KAT7: variants seen among roughly 807,000 people sequenced by gnomAD.
KAT7 encodes the protein histone acetyltransferase KAT7.
KAT7 carries 10 observed loss-of-function variants against 82.1 expected under a neutral mutation model. The ratio of observed to expected loss-of-function variants is 0.12; its 90% confidence interval spans 0.08 to 0.21. The LOEUF is 0.21. Ranked by LOEUF, KAT7 falls within the 10% of genes least tolerant of loss-of-function variation. The pLI is 1.00. For synonymous variants in KAT7, 250 were observed against 262.5 expected (o/e 0.95, Z 0.46); for missense variants, 378 against 760.9 (o/e 0.50, Z 5.92).
At chr17:49,809,247 A>G (rs757244076) in intron 6 of KAT7, 39 bp downstream of exon 6, 67 of 1,506,632 alleles carry the variant, frequency 4.4e-5, no homozygotes, top group Non-Finnish European at 5.8e-5. Flanking sequence ...TCATAGTTTG[A>G]GGTCCGTTTC....
intron 6 of KAT7, among the ~76,000 whole-genome samples, chr17:49,810,381 C>T (rs2074147424): frequency 1.3e-5 from 2 of 152,174 alleles, no homozygotes; most frequent in Non-Finnish European, 2.9e-5. Context: ...CTCAGTCTCC[C>T]AAGTAGCTGG....
chr17:49,821,210 G>A, intron 9 of KAT7, 127 bp from the exon 10 acceptor site: 1 of 639,950 alleles, frequency 1.6e-6, no homozygotes, highest in Non-Finnish European at 2.8e-6. Flanking sequence ...TTTGCTGTAT[G>A]TTCTCAGCTT....
At chr17:49,806,321 G>A (rs1393200687) in intron 5 of KAT7, among the ~76,000 whole-genome samples, 1 of 152,210 alleles carries the variant, frequency 6.6e-6, no homozygotes. Flanking sequence ...CCGCAGGGGT[G>A]AAAGTTTCTT....
chr17:49,820,427 C>T (rs1022326411), intron 9 of KAT7, among the ~76,000 whole-genome samples: 5 of 151,930 alleles, frequency 3.3e-5, no homozygotes, highest in Admixed American at 6.6e-5. Context: ...TACAGGCCCC[C>T]GCTGCCACAC....
intron 4 of KAT7, among the ~76,000 whole-genome samples, chr17:49,802,357 C>A (rs2074034922): frequency 6.6e-6 from 1 of 152,010 alleles, no homozygotes; most frequent in Non-Finnish European, 1.5e-5. Context: ...AAAACATGCC[C>A]TGAATAAATT....
intron 1 of KAT7, among the ~76,000 whole-genome samples, chr17:49,790,587 C>T (rs1049838483): frequency 6.6e-6 from 1 of 152,166 alleles, no homozygotes; most frequent in Non-Finnish European, 1.5e-5. Flanking sequence ...TTCCCAAATA[C>T]CGGGAGTTAC....
intron 5 of KAT7, among the ~76,000 whole-genome samples, chr17:49,808,859 A>T (rs2074126381): frequency 6.6e-6 from 1 of 152,178 alleles, no homozygotes; most frequent in South Asian, 2.1e-4. Flanking sequence ...CCAGGCTCAG[A>T]GTCATCAGAC....
intron 4 of KAT7, among the ~76,000 whole-genome samples, chr17:49,798,933 C>T (rs550038408): frequency 1.4e-4 from 21 of 152,122 alleles, no homozygotes; most frequent in Non-Finnish European, 2.4e-4. Context: ...AGTGGTTGCA[C>T]GGCCATAGCT....
rs2074391293 is a variant in KAT7 at position 49,828,263 on chromosome 17, CGTAAA to C, written c.*765_*769del. On this transcript the variant is annotated 3_prime_UTR_variant, in exon 15 of 15. Coordinates refer to ENST00000259021, the MANE Select transcript of KAT7 (RefSeq NM_007067.5). ...GAACGGATACTACTTTTTGCCTCAC[CGTAAA>C]GTACTCACTAGTAAATATTTCCTTC... 2.6e-5 allele frequency: 4 copies of C among 152,148 alleles called. No homozygotes were observed. Among genetic ancestry groups the C allele is most frequent in the African/African-American group, 9.6e-5 (4 of 41,486 alleles). 9.4% of individuals were successfully genotyped at this position (152,148 alleles called of 1,614,324 possible).
chr17:49,808,915 A>G (rs561128252), intron 5 of KAT7, among the ~76,000 whole-genome samples: 2 of 152,314 alleles, frequency 1.3e-5, no homozygotes, highest in African/African-American at 4.8e-5. Context: ...GATCATTTCA[A>G]CTTCTCTGAT....
chr17:49,799,166 C>T (rs2073992532), intron 4 of KAT7, among the ~76,000 whole-genome samples: 1 of 152,124 alleles, frequency 6.6e-6, no homozygotes, highest in African/African-American at 2.4e-5. Flanking sequence ...GTGGTTTGAA[C>T]CTTATTTGTG....
At chr17:49,822,666 T>C (rs963360257) in intron 11 of KAT7, among the ~76,000 whole-genome samples, 2 of 152,206 alleles carry the variant, frequency 1.3e-5, no homozygotes, top group Non-Finnish European at 2.9e-5. Flanking sequence ...CAACCCAGTT[T>C]GCATTATCCT....
intron 14 of KAT7, 187 bp from the exon 15 acceptor site, chr17:49,827,214 G>A (rs956479755): frequency 8.8e-6 from 5 of 567,536 alleles, no homozygotes; most frequent in Non-Finnish European, 3.1e-6. Flanking sequence ...TTCTCACTGA[G>A]GGTAAAGTAG....
chr17:49,798,846 C>T (rs887300723), intron 4 of KAT7, among the ~76,000 whole-genome samples: 2 of 152,168 alleles, frequency 1.3e-5, no homozygotes, highest in African/African-American at 4.8e-5. Context: ...GCAAAAAAGA[C>T]TATCTGCAGA....
chr17:49,819,824 G>A (rs1332847472), intron 9 of KAT7, among the ~76,000 whole-genome samples: 1 of 152,200 alleles, frequency 6.6e-6, no homozygotes, highest in Non-Finnish European at 1.5e-5. Flanking sequence ...ATGAGTAAAG[G>A]GGTAGAGATA....
rs575051261 is a variant in KAT7, at chr17:49,790,121, C to A, written c.15+1272C>A. Among the ~76,000 whole-genome samples, 16 of 152,266 alleles carry A rather than the reference C, an allele frequency of 1.1e-4. No individual in the cohort carries two copies. In the South Asian group the frequency reaches 3.1e-3, roughly 30 times the overall value. On this transcript the variant is annotated intron_variant, in intron 1 of 14. Transcript: ENST00000259021. Reference sequence around the variant, plus strand: ...ATAGAAATCTTTCTCTTCACAGCGGCTTTTCAGGTTGAAAATGTACACTTT... The same window carrying A: ...ATAGAAATCTTTCTCTTCACAGCGGATTTTCAGGTTGAAAATGTACACTTT...
rs138293627 is a variant in KAT7 at position 49,798,879 on chromosome 17, C to T, written c.580+321C>T. On this transcript the variant is annotated intron_variant, in intron 4 of 14. Coordinates refer to ENST00000259021, the MANE Select transcript of KAT7 (RefSeq NM_007067.5). ...AGATATCTTACTGCATGGCACATAG[C>T]TCGTACTCAGTGAGGACTAGTTAAG... 1.3e-3 allele frequency among the ~76,000 whole-genome samples: 200 copies of T among 152,264 alleles called. 1 individual carries two copies. Among genetic ancestry groups the T allele is most frequent in the African/African-American group, 4.6e-3 (192 of 41,560 alleles).
At chr17:49,823,488 C>T (rs2143981204) in intron 12 of KAT7, 193 bp downstream of exon 12, 1 of 529,782 alleles carries the variant, frequency 1.9e-6, no homozygotes, top group Non-Finnish European at 3.4e-6. Flanking sequence ...TGAAGGAGTA[C>T]AGGACTCCTC....
rs951043010 is a variant in KAT7 at position 49,798,323 on chromosome 17, T to G, written c.345T>G (p.Thr115=). The change falls in exon 4 of 15, where the codon ACT becomes ACG. Residue 115 remains threonine, a synonymous_variant. Transcript: ENST00000259021. ...TACCAATTGCTTTTGCTTTAGAAAC[T>G]AAAAATACAGCTGATCATGATGAGT... ...EQVVDFSDRE[T]KNTADHDESP... The G allele has an allele frequency of 2.6e-5, 42 of 1,613,372 alleles. No homozygotes were observed. In the Admixed American group the frequency reaches 6.2e-4, roughly 24 times the overall value.
Sources: allele counts gnomAD v4.1 joint callset (sites outside exome capture counted in the v4.1 genomes callset), GRCh38; gene constraint gnomAD v4.1.1; transcripts MANE v1.5; gene names NCBI Gene and HGNC (gene_info 2026-07-23, HGNC 2026-07-21).